The following DIP2B variants were observed in gnomAD, a reference collection of about 807,000 sequenced individuals.
DIP2B encodes the protein disco-interacting protein 2 homolog B.
A neutral mutation model predicts 198.0 loss-of-function variants in DIP2B; 76 were observed. That is an observed-to-expected ratio of 0.38 (90% confidence interval 0.32 to 0.46). DIP2B has a LOEUF of 0.46. Ranked by LOEUF, DIP2B falls within the 20% of genes least tolerant of loss-of-function variation. The probability of loss-of-function intolerance (pLI) is 0.99; values close to 1 mark genes in which losing one functional copy is unlikely to be tolerated. For synonymous variants in DIP2B, 701 were observed against 739.1 expected (o/e 0.95, Z 0.84); for missense variants, 1,559 against 1,978.4 (o/e 0.79, Z 4.02).
intron 1 of DIP2B, among the ~76,000 whole-genome samples, chr12:50,586,126 C>G (rs778068583): frequency 6.6e-6 from 1 of 152,198 alleles, no homozygotes; most frequent in Non-Finnish European, 1.5e-5. Context: ...GGGATCAGAC[C>G]TAGGAGGTGG....
At chr12:50,672,116 C>A (rs1938866132) in intron 5 of DIP2B, among the ~76,000 whole-genome samples, 2 of 152,020 alleles carry the variant, frequency 1.3e-5, no homozygotes, top group Admixed American at 1.3e-4. Context: ...GATATCTTTC[C>A]CTTTTTTTTC....
chr12:50,733,031 G>T (rs926563445), intron 32 of DIP2B, among the ~76,000 whole-genome samples: 7 of 151,862 alleles, frequency 4.6e-5, no homozygotes, highest in Non-Finnish European at 1.0e-4. Context: ...TCAGCCTCCA[G>T]AGTAGCTGGG....
intron 1 of DIP2B, among the ~76,000 whole-genome samples, chr12:50,624,706 GTCTT>G (rs1937898179): frequency 2.0e-5 from 3 of 152,264 alleles, no homozygotes; most frequent in African/African-American, 7.2e-5. Context: ...TTCTACCACT[GTCTT>G]TAATTCAAGC....
At chr12:50,526,292 CAG>C (rs1958164221) in intron 1 of DIP2B, among the ~76,000 whole-genome samples, 1 of 152,202 alleles carries the variant, frequency 6.6e-6, no homozygotes, top group South Asian at 2.1e-4. Flanking sequence ...AGCTGCCCCT[CAG>C]GGGCCTATGT....
intron 36 of DIP2B, among the ~76,000 whole-genome samples, 176 bp downstream of exon 36, chr12:50,739,762 G>A (rs767127279): frequency 6.6e-6 from 1 of 152,230 alleles, no homozygotes; most frequent in African/African-American, 2.4e-5. Flanking sequence ...CATGAAGAGT[G>A]TCTAAGAGGT....
chr12:50,742,056 T>C (rs1380363919), intron 37 of DIP2B, among the ~76,000 whole-genome samples: 1 of 152,126 alleles, frequency 6.6e-6, no homozygotes, highest in African/African-American at 2.4e-5. Context: ...ACATTTTCCC[T>C]GATAAAGGAT....
intron 2 of DIP2B, among the ~76,000 whole-genome samples, chr12:50,629,929 C>A (rs1343425631): frequency 6.6e-6 from 1 of 151,130 alleles, no homozygotes; most frequent in Admixed American, 6.6e-5. Context: ...TCTTCTTGAG[C>A]CAGTTTTGGT....
chr12:50,603,694 C>T (rs750503972), intron 1 of DIP2B, among the ~76,000 whole-genome samples: 7 of 152,030 alleles, frequency 4.6e-5, no homozygotes, highest in Non-Finnish European at 8.8e-5. Flanking sequence ...TGCACTCCAG[C>T]CTGGGCAACA....
Position 50,739,455 on chromosome 12 carries a change from A to T in DIP2B, c.4223A>T (p.Tyr1408Phe). The T allele has an allele frequency of 6.2e-7, 1 of 1,614,168 alleles. No individual in the cohort carries two copies. Among genetic ancestry groups the T allele is most frequent in the Non-Finnish European group, 8.5e-7 (1 of 1,180,004 alleles). Reference sequence around the variant, plus strand: ...ACAGCCAGCGGCTACTACACCATCTATGATAGCGAGACTCTTCAAGCTGAT... The same window carrying T: ...ACAGCCAGCGGCTACTACACCATCTTTGATAGCGAGACTCTTCAAGCTGAT... ...PHTASGYYTI[Y>F]DSETLQADHF... Residue 1408 changes from tyrosine (Y) to phenylalanine (F), a missense_variant, in exon 36 of 38, where the codon TAT becomes TTT. Physicochemically the swap from Tyr to Phe is conservative, Grantham distance 22. Coordinates refer to ENST00000301180, the MANE Select transcript of DIP2B (RefSeq NM_173602.3).
At chr12:50,711,758 C>G (rs748790950) in intron 22 of DIP2B, among the ~76,000 whole-genome samples, 2 of 152,182 alleles carry the variant, frequency 1.3e-5, no homozygotes, top group Non-Finnish European at 2.9e-5. Context: ...CGGGGTTTCA[C>G]CACGCTGGCC....
intron 1 of DIP2B, among the ~76,000 whole-genome samples, chr12:50,555,321 A>C: frequency 6.6e-6 from 1 of 151,702 alleles, no homozygotes; most frequent in East Asian, 1.9e-4. Flanking sequence ...CTTCCTATGT[A>C]TTTTCATAGT....
At position 50,520,025 on chromosome 12, in the gene DIP2B, A is replaced by G. The variant is rs1028556275; in HGVS notation, c.100+14785A>G. 8.5e-5 allele frequency among the ~76,000 whole-genome samples: 12 copies of G among 141,138 alleles called. No individual in the cohort carries two copies. In the East Asian group the frequency reaches 2.5e-3, roughly 29 times the overall value. The allele number at this position is 141,138 out of a possible 152,430, so 92.6% of individuals were successfully genotyped here. A position where few individuals can be genotyped will look rare whatever the true frequency, so the allele number is the denominator to read the frequency against. On this transcript the variant is annotated intron_variant, in intron 1 of 37. Transcript: ENST00000301180. ...TTTTATAGTGCTGACCAGTCTTGTCATTGAATCTCCTTTTTTTTTTTTTTT... is the reference window on the plus strand; with the variant it reads ...TTTTATAGTGCTGACCAGTCTTGTCGTTGAATCTCCTTTTTTTTTTTTTTT...
chr12:50,733,258 T>C (rs77794194), intron 32 of DIP2B, among the ~76,000 whole-genome samples: 4 of 147,816 alleles, frequency 2.7e-5, no homozygotes, highest in African/African-American at 7.4e-5. Context: ...TTCTTTCTTT[T>C]TTTTTTTTTT....
chr12:50,580,831 T>C lies in DIP2B; in HGVS notation c.101-45145T>C, dbSNP rs547440842. 2.7e-5 allele frequency among the ~76,000 whole-genome samples: 4 copies of C among 149,130 alleles called. 1 individual carries two copies. The South Asian group carries it at 8.8e-4, about 33-fold the overall frequency. ...GTTACAGCAATACTTTCACACACTT[T>C]ATGTTCAAATGATGGAAATATCCTA... On this transcript the variant is annotated intron_variant, in intron 1 of 37. Coordinates refer to ENST00000301180, the MANE Select transcript of DIP2B (RefSeq NM_173602.3).
intron 1 of DIP2B, among the ~76,000 whole-genome samples, chr12:50,546,373 T>C (rs571791704): frequency 4.7e-4 from 71 of 152,290 alleles, no homozygotes; most frequent in Non-Finnish European, 8.8e-5. Flanking sequence ...GTTCAGGGGG[T>C]ACATGTAAAT....
intron 16 of DIP2B, 69 bp from the exon 17 acceptor site, chr12:50,696,992 C>A: frequency 1.7e-6 from 2 of 1,205,526 alleles, no homozygotes; most frequent in South Asian, 1.4e-5. Flanking sequence ...GCTTTCTATT[C>A]TTTACCATTT....
chr12:50,724,542 T>C (rs543271403), intron 27 of DIP2B, among the ~76,000 whole-genome samples: 1 of 152,362 alleles, frequency 6.6e-6, no homozygotes, highest in Admixed American at 6.5e-5. Flanking sequence ...ATCACTGTTA[T>C]AAATGATACA....
At position 50,567,520 on chromosome 12, in the gene DIP2B, G is replaced by A. The variant is rs1958576419; in HGVS notation, c.101-58456G>A. 2.7e-5 allele frequency among the ~76,000 whole-genome samples: 4 copies of A among 146,404 alleles called. No homozygotes were observed. The Admixed American group carries it at 2.8e-4, about 10-fold the overall frequency. ...CTCATGGAGCATGGCTATAATAACCGCTTTAAAAATCTTTTTTTTTATTTT... is the reference window on the plus strand; with the variant it reads ...CTCATGGAGCATGGCTATAATAACCACTTTAAAAATCTTTTTTTTTATTTT... On this transcript the variant is annotated intron_variant, in intron 1 of 37. Transcript: ENST00000301180.
At chr12:50,682,193 G>A (rs949207346) in intron 9 of DIP2B, among the ~76,000 whole-genome samples, 6 of 152,078 alleles carry the variant, frequency 3.9e-5, no homozygotes, top group Non-Finnish European at 7.4e-5. Context: ...GAGGTTTCAC[G>A]GTTTATGTTC....
Sources: allele counts gnomAD v4.1 joint callset (sites outside exome capture counted in the v4.1 genomes callset), GRCh38; gene constraint gnomAD v4.1.1; transcripts MANE v1.5; gene names NCBI Gene and HGNC (gene_info 2026-07-23, HGNC 2026-07-21).